PPTC7: variants seen among roughly 807,000 people sequenced by gnomAD.
The protein encoded by PPTC7 is protein phosphatase targeting COQ7.
PPTC7 carries 6 observed loss-of-function variants against 30.8 expected under a neutral mutation model. The observed-to-expected ratio is 0.19, with a 90% confidence interval of 0.11 to 0.38. PPTC7 has a LOEUF of 0.38. PPTC7 is among the 10% of genes least tolerant of loss of function. The probability of loss-of-function intolerance (pLI) is 1.00; values close to 1 mark genes in which losing one functional copy is unlikely to be tolerated. For synonymous variants in PPTC7, 163 were observed against 168.1 expected (o/e 0.97, Z 0.23); for missense variants, 218 against 404.8 (o/e 0.54, Z 3.96).
intron 2 of PPTC7, among the ~76,000 whole-genome samples, chr12:110,550,509 C>A (rs1471422560): frequency 1.3e-5 from 2 of 151,698 alleles, no homozygotes; most frequent in East Asian, 3.9e-4. Context: ...GGATTACAGG[C>A]GTGAGCTGCC....
intron 1 of PPTC7, among the ~76,000 whole-genome samples, chr12:110,573,477 C>T (rs1315442589): frequency 1.3e-5 from 2 of 152,112 alleles, no homozygotes; most frequent in African/African-American, 4.8e-5. Context: ...CACACTGTTG[C>T]AACTTTTTAA....
chr12:110,571,869 C>T (rs906343832), intron 1 of PPTC7, among the ~76,000 whole-genome samples: 3 of 152,174 alleles, frequency 2.0e-5, no homozygotes, highest in Non-Finnish European at 2.9e-5. Context: ...ATACATAAGG[C>T]ATCCTTATTT....
chr12:110,582,677 C>T, intron 1 of PPTC7, 132 bp downstream of exon 1: 1 of 746,656 alleles, frequency 1.3e-6, no homozygotes, highest in South Asian at 2.0e-5. Flanking sequence ...GCGCCTGGCG[C>T]ATAGTAAGCG....
At chr12:110,567,538 T>C (rs377598622) in intron 1 of PPTC7, among the ~76,000 whole-genome samples, 1 of 152,134 alleles carries the variant, frequency 6.6e-6, no homozygotes, top group Non-Finnish European at 1.5e-5. Flanking sequence ...TCTAACTCAA[T>C]TTCCACTCCT....
intron 2 of PPTC7, 40 bp downstream of exon 2, chr12:110,551,749 G>T: frequency 1.9e-6 from 3 of 1,565,992 alleles, no homozygotes; most frequent in Non-Finnish European, 2.6e-6. Context: ...AACTATCTAG[G>T]GGGCTTCTTT....
intron 3 of PPTC7, among the ~76,000 whole-genome samples, chr12:110,545,374 T>G (rs1472082391): frequency 1.3e-5 from 2 of 152,252 alleles, no homozygotes; most frequent in Non-Finnish European, 2.9e-5. Flanking sequence ...ATTACAGGCG[T>G]GAGTCACCGT....
chr12:110,567,054 G>A (rs1304724775), intron 1 of PPTC7, among the ~76,000 whole-genome samples: 1 of 152,152 alleles, frequency 6.6e-6, no homozygotes, highest in African/African-American at 2.4e-5. Flanking sequence ...ATACATACAT[G>A]GGCCTAACCA....
intron 1 of PPTC7, among the ~76,000 whole-genome samples, chr12:110,573,410 T>C (rs1422422066): frequency 6.6e-6 from 1 of 152,240 alleles, no homozygotes; most frequent in Non-Finnish European, 1.5e-5. Flanking sequence ...CTTACCAGTA[T>C]GGAAACATGC....
At chr12:110,554,105 G>A (rs940747288) in intron 1 of PPTC7, among the ~76,000 whole-genome samples, 27 of 152,114 alleles carry the variant, frequency 1.8e-4, no homozygotes, top group African/African-American at 6.0e-4. Context: ...TGCCCATCTC[G>A]GCCTCCCAAG....
chr12:110,546,322 T>C (rs2064305660), intron 2 of PPTC7: 2 of 504,242 alleles, frequency 4.0e-6, no homozygotes, highest in South Asian at 5.0e-5. Context: ...TGATCTGAAT[T>C]CTTCCATTTG....
intron 3 of PPTC7, among the ~76,000 whole-genome samples, chr12:110,541,527 C>T (rs920465205): frequency 7.3e-5 from 11 of 150,864 alleles, no homozygotes; most frequent in Non-Finnish European, 1.2e-4. Context: ...GGTTAAAACC[C>T]GTTTCTACCA....
At chr12:110,556,881 G>A (rs1378776794) in intron 1 of PPTC7, among the ~76,000 whole-genome samples, 5 of 152,142 alleles carry the variant, frequency 3.3e-5, no homozygotes, top group Non-Finnish European at 5.9e-5. Context: ...CGGACACCAC[G>A]AGAATGCAGC....
chr12:110,563,229 T>C (rs537530319), intron 1 of PPTC7, among the ~76,000 whole-genome samples: 26 of 150,564 alleles, frequency 1.7e-4, no homozygotes, highest in Non-Finnish European at 2.1e-4. Flanking sequence ...AGATCAAGAC[T>C]ACGTCAAGAA....
At chr12:110,577,590 C>A (rs2064600338) in intron 1 of PPTC7, among the ~76,000 whole-genome samples, 1 of 152,184 alleles carries the variant, frequency 6.6e-6, no homozygotes, top group Admixed American at 6.5e-5. Flanking sequence ...ATGATCTTTA[C>A]ACCTCAAGAC....
rs1565930684 is a variant in PPTC7, at chr12:110,581,862, G to A, written c.223+947C>T. Among the ~76,000 whole-genome samples, 3 of 152,328 alleles carry A rather than the reference G, an allele frequency of 2.0e-5. No homozygotes were observed. In the East Asian group the frequency reaches 5.8e-4, roughly 29 times the overall value. On this transcript the variant is annotated intron_variant, in intron 1 of 5. Coordinates refer to ENST00000354300, the MANE Select transcript of PPTC7 (RefSeq NM_139283.2). Reference sequence around the variant, plus strand: ...AAATCAAAGTGACATTTGAACCCAAGTTCAATGACAACACGTCCTTCAATT... The same window carrying A: ...AAATCAAAGTGACATTTGAACCCAAATTCAATGACAACACGTCCTTCAATT...
rs1371803952 is a variant in PPTC7, at chr12:110,533,609, A to G, written c.*3428T>C. ...GCAGATTTTGGTTTTTTGATACTGT[A>G]AAATTTTTAAAATGCAAAAATGTGA... On this transcript the variant is annotated 3_prime_UTR_variant, in exon 6 of 6. Transcript: ENST00000354300. 6.6e-6 allele frequency: 1 copy of G among 152,102 alleles called. No homozygotes were observed. The highest frequency in any genetic ancestry group is 1.5e-5 in the Non-Finnish European group (1 of 68,040). The allele number at this position is 152,102 out of a possible 1,614,324, so 9.4% of individuals were successfully genotyped here. A position where few individuals can be genotyped will look rare whatever the true frequency, so the allele number is the denominator to read the frequency against.
In PPTC7 at chr12:110,583,208, C is replaced by G. The variant is rs1051487800; in HGVS notation, c.-177G>C. 3 of 224,558 alleles carry G rather than the reference C, an allele frequency of 1.3e-5. No homozygotes were observed. Among genetic ancestry groups the G allele is most frequent in the African/African-American group, 7.0e-5 (3 of 42,718 alleles). 13.9% of individuals were successfully genotyped at this position (224,558 alleles called of 1,614,324 possible). ...GCGGGGCCTCGCACGCGCTCAGCCG[C>G]GCGCACCGGAGCCAGAGCGAGGTCA... On this transcript the variant is annotated 5_prime_UTR_variant, in exon 1 of 6. Coordinates refer to ENST00000354300, the MANE Select transcript of PPTC7 (RefSeq NM_139283.2).
intron 1 of PPTC7, among the ~76,000 whole-genome samples, chr12:110,552,703 A>C (rs2064357675): frequency 6.6e-6 from 1 of 152,110 alleles, no homozygotes; most frequent in African/African-American, 2.4e-5. Flanking sequence ...TCTCTACTAA[A>C]AATACAAAAA....
intron 3 of PPTC7, among the ~76,000 whole-genome samples, chr12:110,541,120 G>A (rs964673293): frequency 3.3e-5 from 5 of 150,914 alleles, no homozygotes; most frequent in African/African-American, 4.9e-5. Context: ...GGTGGCTCAC[G>A]CCTGTAATCC....
Sources: gnomAD v4.1 joint callset for allele counts (sites outside exome capture counted in the v4.1 genomes callset) on GRCh38, gnomAD v4.1.1 for gene constraint, MANE v1.5 for transcripts, NCBI Gene and HGNC (gene_info 2026-07-23, HGNC 2026-07-21) for gene names.